GRM5: variants seen among roughly 807,000 people sequenced by gnomAD.
GRM5 encodes the protein metabotropic glutamate receptor 5.
In GRM5, 19 loss-of-function variants were observed where a neutral mutation model predicts 83.1. That is an observed-to-expected ratio of 0.23 (90% confidence interval 0.16 to 0.34). The LOEUF is 0.34. Among genes scored for constraint, GRM5 ranks in the 10% least tolerant of loss-of-function variants. GRM5 has a pLI of 1.00. For synonymous variants in GRM5, 675 were observed against 633.6 expected (o/e 1.07, Z -0.98); for missense variants, 1,160 against 1,588.3 (o/e 0.73, Z 4.58).
intron 2 of GRM5, among the ~76,000 whole-genome samples, chr11:88,939,155 T>G (rs569497224): frequency 9.9e-5 from 15 of 151,800 alleles, no homozygotes; most frequent in Admixed American, 2.6e-4. Flanking sequence ...TCTGAAATAA[T>G]TTCTCTTCTC....
intron 2 of GRM5, among the ~76,000 whole-genome samples, chr11:88,941,464 GAA>G (rs1482869887): frequency 5.7e-5 from 7 of 123,026 alleles, no homozygotes; most frequent in Admixed American, 8.9e-5. Flanking sequence ...GAAGAGAAGA[GAA>G]GAGAAGAGGG....
At chr11:88,561,363 T>A (rs1346030176) in intron 8 of GRM5, among the ~76,000 whole-genome samples, 1 of 152,172 alleles carries the variant, frequency 6.6e-6, no homozygotes. Context: ...GAGGCAACAC[T>A]AATGATTCTG....
intron 3 of GRM5, among the ~76,000 whole-genome samples, chr11:88,692,947 C>A (rs561080934): frequency 6.6e-5 from 10 of 152,268 alleles, no homozygotes; most frequent in African/African-American, 2.2e-4. Context: ...CACTGTCAGT[C>A]AGAAGGCTGG....
chr11:88,877,036 G>A (rs1342645361), intron 2 of GRM5, among the ~76,000 whole-genome samples: 1 of 151,914 alleles, frequency 6.6e-6, no homozygotes, highest in Non-Finnish European at 1.5e-5. Context: ...GAAGTAGAGA[G>A]TAGGATAGTG....
intron 3 of GRM5, among the ~76,000 whole-genome samples, chr11:88,794,483 T>C (rs971263354): frequency 1.3e-5 from 2 of 152,176 alleles, no homozygotes; most frequent in African/African-American, 2.4e-5. Flanking sequence ...AATTATGTGT[T>C]TTTATTTTTT....
At chr11:88,727,476 G>A (rs115695250) in intron 3 of GRM5, among the ~76,000 whole-genome samples, 8,591 of 152,038 alleles carry the variant, frequency 0.057, 204 homozygotes, top group East Asian at 0.076. Flanking sequence ...TAGAGAGATC[G>A]ATGAGACAGA....
intron 3 of GRM5, among the ~76,000 whole-genome samples, chr11:88,803,843 AAAAC>A (rs1383828865): frequency 1.3e-5 from 2 of 152,222 alleles, no homozygotes; most frequent in African/African-American, 2.4e-5. Context: ...TTACAAGAAA[AAAAC>A]AAACAACCCC....
At chr11:88,547,765 CT>C (rs1446747607) in intron 8 of GRM5, among the ~76,000 whole-genome samples, 2 of 152,124 alleles carry the variant, frequency 1.3e-5, no homozygotes, top group African/African-American at 2.4e-5. Context: ...GGCATACAGG[CT>C]CAAATTATTT....
At chr11:88,772,609 A>G (rs970575631) in intron 3 of GRM5, among the ~76,000 whole-genome samples, 7 of 151,072 alleles carry the variant, frequency 4.6e-5, no homozygotes, top group Admixed American at 2.6e-4. Context: ...AGCCCCCCAT[A>G]CCCCTACAGG....
chr11:88,843,320 C>G (rs1041970416), intron 3 of GRM5, among the ~76,000 whole-genome samples: 1 of 151,972 alleles, frequency 6.6e-6, no homozygotes, highest in Non-Finnish European at 1.5e-5. Flanking sequence ...TTATGGCATA[C>G]AGTGTGATAT....
At chr11:88,978,327 A>G (rs1939405109) in intron 2 of GRM5, among the ~76,000 whole-genome samples, 1 of 152,028 alleles carries the variant, frequency 6.6e-6, no homozygotes, top group African/African-American at 2.4e-5. Flanking sequence ...TCATGGGTGT[A>G]TATTTACCTC....
chr11:88,852,384 G>A (rs1269787486), intron 2 of GRM5, among the ~76,000 whole-genome samples: 7 of 151,968 alleles, frequency 4.6e-5, no homozygotes, highest in Non-Finnish European at 1.5e-5. Flanking sequence ...TATATTTAAT[G>A]TATGTAAACT....
intron 4 of GRM5, among the ~76,000 whole-genome samples, chr11:88,614,208 C>T (rs1454195439): frequency 6.6e-6 from 1 of 152,106 alleles, no homozygotes; most frequent in African/African-American, 2.4e-5. Context: ...TGTTATGTGT[C>T]TTCCTGGCTC....
intron 2 of GRM5, among the ~76,000 whole-genome samples, chr11:88,983,286 ACT>A (rs1404620642): frequency 6.6e-6 from 1 of 151,952 alleles, no homozygotes; most frequent in Non-Finnish European, 1.5e-5. Flanking sequence ...CACAAATAAA[ACT>A]CTATTGTCTC....
chr11:88,636,678 C>T (rs1939132277), intron 4 of GRM5, among the ~76,000 whole-genome samples: 1 of 152,100 alleles, frequency 6.6e-6, no homozygotes, highest in Non-Finnish European at 1.5e-5. Context: ...AAGATAAACA[C>T]CACTTGGTAA....
chr11:89,009,919 A>AAAAAAAC (rs1940647126), intron 2 of GRM5, among the ~76,000 whole-genome samples: 7 of 126,438 alleles, frequency 5.5e-5, no homozygotes, highest in African/African-American at 2.9e-4. Context: ...AAAAAAAAAA[A>AAAAAAAC]AAAAAAAAAA....
intron 3 of GRM5, among the ~76,000 whole-genome samples, chr11:88,775,758 G>C (rs992479891): frequency 6.6e-6 from 1 of 152,194 alleles, no homozygotes. Context: ...TTTTGAGTGA[G>C]TTTATTAATC....
intron 4 of GRM5, among the ~76,000 whole-genome samples, chr11:88,608,514 A>ATTTTTTTTTTTTTTTTTTTTTTTTTTT (rs35701224): frequency 1.0e-5 from 1 of 98,644 alleles, no homozygotes. Context: ...GAAAACAGGG[A>ATTTTTTTTTTTTTTTTTTTTTTTTTTT]TTTTTTTTTT....
chr11:88,765,750 C>A (rs1029154130), intron 3 of GRM5, among the ~76,000 whole-genome samples: 1 of 151,502 alleles, frequency 6.6e-6, no homozygotes, highest in Non-Finnish European at 1.5e-5. Flanking sequence ...GAAAAAAAAA[C>A]TTAATGAAAA....
Sources: allele counts gnomAD v4.1 joint callset (sites outside exome capture counted in the v4.1 genomes callset), GRCh38; gene constraint gnomAD v4.1.1; transcripts MANE v1.5; gene names NCBI Gene and HGNC (gene_info 2026-07-23, HGNC 2026-07-21).